The following ESCO2 variants were observed in gnomAD, a reference collection of about 807,000 sequenced individuals.
ESCO2 encodes the protein N-acetyltransferase ESCO2.
In ESCO2, 51 loss-of-function variants were observed where a neutral mutation model predicts 61.7. The observed-to-expected ratio is 0.83, with a 90% CI of 0.66 to 1.04. The LOEUF (loss-of-function observed/expected upper bound fraction) is 1.04. ESCO2 is among the 50% of genes least tolerant of loss of function. The pLI is 0.00. For synonymous variants in ESCO2, 230 were observed against 238.2 expected, an observed-to-expected ratio of 0.97 and a Z score of 0.32; for missense variants, 692 against 686.2, an observed-to-expected ratio of 1.01 and a Z score of -0.09.
chr8:27,794,341 T>G (rs1805247615), intron 9 of ESCO2, among the ~76,000 whole-genome samples: 2 of 152,220 alleles, frequency 1.3e-5, no homozygotes, highest in South Asian at 4.1e-4. Context: ...TTGCATTTCC[T>G]TGATGAATTA....
chr8:27,780,097 A>G, intron 3 of ESCO2, 77 bp from the exon 4 acceptor site: 1 of 820,112 alleles, frequency 1.2e-6, no homozygotes. Context: ...TTTTAGAAAT[A>G]GATCTGCTGG....
chr8:27,791,416 C>T (rs1253501210), intron 7 of ESCO2, among the ~76,000 whole-genome samples: 1 of 152,124 alleles, frequency 6.6e-6, no homozygotes, highest in Admixed American at 6.5e-5. Context: ...GACATCTTAC[C>T]AAGGTTTTTA....
chr8:27,780,941 T>C (rs1804912820), intron 4 of ESCO2, among the ~76,000 whole-genome samples: 1 of 152,218 alleles, frequency 6.6e-6, no homozygotes, highest in Non-Finnish European at 1.5e-5. Flanking sequence ...ATATTTAGTA[T>C]ACGTTATGTT....
Position 27,799,630 on chromosome 8 carries a change from A to T in ESCO2, c.1587A>T (p.Glu529Asp), listed in dbSNP as rs1172284201. The change falls in exon 10 of 11, where the codon GAA becomes GAT. Residue 529 changes from glutamate to aspartate, a missense_variant. Glu to Asp is a conservative substitution (Grantham distance 45). Transcript: ENST00000305188. ...PRAWQCSDVP[E>D]PAVCGISRIW... ...CTTGGCAATGTTCAGATGTACCAGA[A>T]CCTGCAGTCTGTGGGATAAGTAGAA... The T allele has an allele frequency of 1.2e-6, 2 of 1,613,960 alleles. No individual in the cohort carries two copies. Among genetic ancestry groups the T allele is most frequent in the African/African-American group, 2.7e-5 (2 of 74,966 alleles).
intron 10 of ESCO2, among the ~76,000 whole-genome samples, chr8:27,800,960 CTAA>C (rs1805410190): frequency 6.6e-6 from 1 of 152,068 alleles, no homozygotes; most frequent in South Asian, 2.1e-4. Flanking sequence ...TGGAGAGCAA[CTAA>C]TAATGAGTAC....
intron 10 of ESCO2, among the ~76,000 whole-genome samples, chr8:27,802,737 A>T (rs1585412710): frequency 2.4e-5 from 3 of 122,560 alleles, no homozygotes; most frequent in Admixed American, 1.7e-4. Context: ...TAACAATATG[A>T]TCTTTTTTTT....
chr8:27,807,298 C>T (rs1171587589), downstream of ESCO2, among the ~76,000 whole-genome samples: 1 of 152,066 alleles, frequency 6.6e-6, no homozygotes, highest in African/African-American at 2.4e-5. Flanking sequence ...TCCTAGGTTT[C>T]TAGGAAGCTC....
downstream of ESCO2, chr8:27,811,336 G>A: frequency 1.6e-6 from 1 of 606,192 alleles, no homozygotes; most frequent in Non-Finnish European, 2.9e-6. Flanking sequence ...TGGTCAGTTG[G>A]CAGGTATGTA....
chr8:27,785,327 A>G (rs537937150), intron 5 of ESCO2, among the ~76,000 whole-genome samples: 129 of 152,340 alleles, frequency 8.5e-4, no homozygotes, highest in Non-Finnish European at 1.5e-3. Flanking sequence ...GTTTTCACAC[A>G]TGAACTTTGG....
chr8:27,774,124 T>A (rs945837719), upstream of ESCO2, among the ~76,000 whole-genome samples: 2 of 152,176 alleles, frequency 1.3e-5, no homozygotes, highest in Non-Finnish European at 2.9e-5. Flanking sequence ...ACAATGAAGC[T>A]TCAAATGTGA....
In ESCO2 at chr8:27,776,844, A is replaced by G; in HGVS notation, c.536A>G (p.Glu179Gly). Residue 179 changes from glutamate (E) to glycine (G), a missense_variant, in exon 3 of 11, where the codon GAA (glutamate) becomes GGA (glycine). Physicochemically the swap from Glu to Gly is moderately conservative, Grantham distance 98. Coordinates refer to ENST00000305188, the MANE Select transcript of ESCO2 (RefSeq NM_001017420.3). ...RVIYKPIVEK[E>G]NNCHSAENNS... The stretch of plus-strand genomic sequence containing the variant: ...ATCTATAAGCCAATTGTGGAGAAGG[A>G]AAATAATTGTCATTCAGCTGAAAAT... 7 of 1,614,186 alleles carry G rather than the reference A, an allele frequency of 4.3e-6. No homozygotes were observed. Among genetic ancestry groups the G allele is most frequent in the Non-Finnish European group, 5.9e-6 (7 of 1,180,042 alleles).
rs1366714218 is a variant in ESCO2, at chr8:27,776,842, G to A, written c.534G>A (p.Lys178=). The change falls in exon 3 of 11, where the codon AAG becomes AAA. Residue 178 remains lysine, a synonymous_variant. Coordinates refer to ENST00000305188, the MANE Select transcript of ESCO2 (RefSeq NM_001017420.3). ...NRVIYKPIVE[K]ENNCHSAENN... is the part of the protein sequence containing the mutation. Reference sequence around the variant, plus strand: ...TGATCTATAAGCCAATTGTGGAGAAGGAAAATAATTGTCATTCAGCTGAAA... The same window carrying A: ...TGATCTATAAGCCAATTGTGGAGAAAGAAAATAATTGTCATTCAGCTGAAA... The A allele has an allele frequency of 6.2e-7, 1 of 1,613,974 alleles. No homozygotes were observed. The highest frequency in any genetic ancestry group is 8.5e-7 in the Non-Finnish European group (1 of 1,180,014).
chr8:27,791,972 A>G lies in ESCO2; in HGVS notation c.1273A>G (p.Lys425Glu), dbSNP rs779475829. 6.2e-7 allele frequency: 1 copy of G among 1,614,086 alleles called. No individual in the cohort carries two copies. Among genetic ancestry groups the G allele is most frequent in the South Asian group, 1.1e-5 (1 of 91,086 alleles). ...TGTTTTCCTTTGGCAGGGTTGGAAG[A>G]AAGAACGTGTAGTAGCAGAGTTTTG... ...LEGIKYVGWKKERVVAEFWDG... is the reference protein window; with the variant it reads ...LEGIKYVGWKEERVVAEFWDG... Residue 425 changes from lysine to glutamate, a missense_variant, in exon 8 of 11, where the codon AAA becomes GAA. By Grantham distance (56) the Lys-to-Glu change is moderately conservative. Coordinates refer to ENST00000305188, the MANE Select transcript of ESCO2 (RefSeq NM_001017420.3).
At chr8:27,816,600 T>G (rs1014054124), downstream of ESCO2, among the ~76,000 whole-genome samples, 22 of 151,834 alleles carry the variant, frequency 1.4e-4, no homozygotes, top group East Asian at 3.1e-3. Flanking sequence ...ATGGTCTCAA[T>G]CTCCTGACCT....
Position 27,792,823 on chromosome 8 carries a change from T to C in ESCO2, c.1497+12T>C. On this transcript the variant is annotated intron_variant, in intron 9 of 10. Coordinates refer to ENST00000305188, the MANE Select transcript of ESCO2 (RefSeq NM_001017420.3). ...AACCCATCAAACAGGTATGGTATAT[T>C]TGTTTTAAATTATTGGCATAATTTG... 4 of 1,558,414 alleles carry C rather than the reference T, an allele frequency of 2.6e-6. No individual in the cohort carries two copies. Among genetic ancestry groups the C allele is most frequent in the Non-Finnish European group, 2.6e-6 (3 of 1,155,556 alleles).
At chr8:27,785,994 A>G (rs1176407833) in intron 5 of ESCO2, among the ~76,000 whole-genome samples, 1 of 152,214 alleles carries the variant, frequency 6.6e-6, no homozygotes, top group African/African-American at 2.4e-5. Context: ...ATTTAAACAA[A>G]TATAGTGTTA....
At position 27,792,712 on chromosome 8, in the gene ESCO2, G is replaced by C. The variant is rs1343513307; in HGVS notation, c.1398G>C (p.Gln466His). Residue 466 changes from glutamine (Q) to histidine (H), a missense_variant, in exon 9 of 11, where the codon CAG becomes CAC. Gln to His is a conservative substitution (Grantham distance 24). Transcript: ENST00000305188. Reference protein sequence around the residue: ...QELVDNELGFQQVVPKCPNKI... With the variant: ...QELVDNELGFHQVVPKCPNKI... The stretch of plus-strand genomic sequence containing the variant: ...TTGTTGATAATGAATTGGGCTTCCA[G>C]CAAGTTGTTCCTAAATGTCCAAACA... 3 of 1,612,506 alleles carry C rather than the reference G, an allele frequency of 1.9e-6. No homozygotes were observed. Among genetic ancestry groups the C allele is most frequent in the Non-Finnish European group, 2.5e-6 (3 of 1,179,596 alleles).
intron 10 of ESCO2, among the ~76,000 whole-genome samples, chr8:27,801,542 T>C (rs956512351): frequency 4.6e-5 from 7 of 152,198 alleles, no homozygotes; most frequent in Non-Finnish European, 8.8e-5. Flanking sequence ...ATATTAGATA[T>C]ATAAATTTGG....
intron 10 of ESCO2, among the ~76,000 whole-genome samples, chr8:27,802,327 C>T (rs28372312): frequency 0.11 from 16,067 of 150,772 alleles, 960 homozygotes; most frequent in East Asian, 0.24. Context: ...GCTGGACGGT[C>T]GCTCTTGCCT....
Sources: gnomAD v4.1 joint callset for allele counts (sites outside exome capture counted in the v4.1 genomes callset) on GRCh38, gnomAD v4.1.1 for gene constraint, MANE v1.5 for transcripts, NCBI Gene and HGNC (gene_info 2026-07-23, HGNC 2026-07-21) for gene names.